The following PAH variants were observed in gnomAD, a reference collection of about 807,000 sequenced individuals.
The protein encoded by PAH is phenylalanine-4-hydroxylase.
PAH carries 64 observed loss-of-function variants against 62.0 expected under a neutral mutation model. The observed-to-expected ratio is 1.03, with a 90% CI of 0.84 to 1.27. The LOEUF (loss-of-function observed/expected upper bound fraction) is 1.27, where lower values mean the gene tolerates loss of function less well. Ranked by LOEUF, PAH falls within the 50% of genes most tolerant of loss-of-function variation. The probability of loss-of-function intolerance (pLI) is 0.00; values close to 1 mark genes in which losing one functional copy is unlikely to be tolerated. For missense variants in PAH, 579 were observed against 542.8 expected (o/e 1.07, Z -0.66); for synonymous variants, 195 against 196.2 (o/e 0.99, Z 0.05).
At position 102,944,369 on chromosome 12, in the gene PAH, C is replaced by G. The variant is rs569567591; in HGVS notation, c.-96+6220G>C. Among the ~76,000 whole-genome samples, 7 of 152,250 alleles carry G rather than the reference C, an allele frequency of 4.6e-5. 1 individual carries two copies. Among genetic ancestry groups the G allele is most frequent in the African/African-American group, 1.7e-4 (7 of 41,552 alleles). ...CTTTCTACCCCCATCTCTCTCTCTA[C>G]CTTCTCTTTAAGGTCAACAACTCTT... On this transcript the variant is annotated intron_variant, in intron 1 of 3. Transcript: ENST00000546844.
At chr12:102,955,234 C>T (rs1282427358), upstream of PAH, among the ~76,000 whole-genome samples, 2 of 152,202 alleles carry the variant, frequency 1.3e-5, no homozygotes, top group African/African-American at 4.8e-5. Flanking sequence ...CTCTACTTCC[C>T]TGGTATTGAG....
In PAH at chr12:102,844,465, A is replaced by G. The variant is rs1168935950; in HGVS notation, c.970-34T>C. The G allele has an allele frequency of 2.2e-6, 3 of 1,369,184 alleles. No homozygotes were observed. The South Asian group carries it at 3.5e-5, about 16-fold the overall frequency. The allele number at this position is 1,369,184 out of a possible 1,614,324, so 84.8% of individuals were successfully genotyped here. A position where few individuals can be genotyped will look rare whatever the true frequency, so the allele number is the denominator to read the frequency against. Reference sequence around the variant, plus strand: ...GAAAGTCAATCTGAGAGCACACTCTATGATGGTTAATTTTATGTGTCACCT... The same window carrying G: ...GAAAGTCAATCTGAGAGCACACTCTGTGATGGTTAATTTTATGTGTCACCT... On this transcript the variant is annotated intron_variant, in intron 9 of 12. Transcript: ENST00000553106.
intron 1 of PAH, among the ~76,000 whole-genome samples, chr12:102,922,749 A>G (rs1878588813): frequency 6.6e-6 from 1 of 152,226 alleles, no homozygotes; most frequent in African/African-American, 2.4e-5. Context: ...AGCTATGTGA[A>G]ATAATACATT....
chr12:102,947,726 CG>C (rs1238244370), intron 1 of PAH, among the ~76,000 whole-genome samples: 1 of 152,048 alleles, frequency 6.6e-6, no homozygotes, highest in African/African-American at 2.4e-5. Flanking sequence ...AAAATAGAGT[CG>C]GGGTGACTGT....
chr12:102,905,065 G>T (rs35823784), intron 2 of PAH, among the ~76,000 whole-genome samples: 1 of 152,026 alleles, frequency 6.6e-6, no homozygotes, highest in Non-Finnish European at 1.5e-5. Context: ...AATAAAACAC[G>T]TGAAAGGGGT....
intron 2 of PAH, among the ~76,000 whole-genome samples, chr12:102,895,635 T>C (rs7980371): frequency 0.053 from 8,029 of 151,874 alleles, 742 homozygotes; most frequent in African/African-American, 0.18. Flanking sequence ...TTGCCTGAGG[T>C]CAGGAGTTGG....
In PAH at chr12:102,889,402, C is replaced by CATAGATAG. The variant is rs10526127; in HGVS notation, c.352+5325_352+5332dup. Among the ~76,000 whole-genome samples the CATAGATAG allele has an allele frequency of 6.5e-3, 966 of 147,994 alleles. 3 individuals are homozygous for CATAGATAG. The highest frequency in any genetic ancestry group is 8.7e-3 in the Non-Finnish European group (586 of 67,078). On this transcript the variant is annotated intron_variant, in intron 3 of 12. Transcript: ENST00000553106. ...AGTAATCATAAGTGTTCCCAGACAA[C>CATAGATAG]ATAGATAGATAGATAGATAGATAGA... is the stretch of plus-strand genomic sequence containing the variant.
Position 102,854,939 on chromosome 12 carries a change from T to C in PAH, c.706+197A>G. 6.2e-6 allele frequency: 4 copies of C among 647,386 alleles called. No individual in the cohort carries two copies. In the South Asian group the frequency reaches 6.8e-5, roughly 11 times the overall value. 40.1% of individuals were successfully genotyped at this position (647,386 alleles called of 1,614,324 possible). ...CCTCAGGTGTTTGATTGAATGAAAG[T>C]GGATAAACACAGTAGGGGCTGGAGG... On this transcript the variant is annotated intron_variant, in intron 6 of 12. Transcript: ENST00000553106.
chr12:102,933,256 G>A (rs950281474), intron 1 of PAH, among the ~76,000 whole-genome samples: 1 of 151,940 alleles, frequency 6.6e-6, no homozygotes, highest in Non-Finnish European at 1.5e-5. Flanking sequence ...GGCTTATTTC[G>A]TTTAACATAA....
intron 3 of PAH, among the ~76,000 whole-genome samples, chr12:102,885,343 C>T (rs1018216744): frequency 1.3e-5 from 2 of 152,204 alleles, no homozygotes; most frequent in African/African-American, 2.4e-5. Flanking sequence ...CCCAGGCCTC[C>T]GTTTTGAAAA....
intron 3 of PAH, among the ~76,000 whole-genome samples, chr12:102,887,422 C>T (rs929134175): frequency 6.6e-6 from 1 of 151,944 alleles, no homozygotes; most frequent in Admixed American, 6.6e-5. Flanking sequence ...AAGTTGTCTC[C>T]GTGGCTGCTA....
chr12:102,925,460 AT>A (rs533742732), intron 1 of PAH, among the ~76,000 whole-genome samples: 1 of 152,114 alleles, frequency 6.6e-6, no homozygotes, highest in African/African-American at 2.4e-5. Flanking sequence ...CTTTAAACTC[AT>A]TTTTTTGACG....
At chr12:102,945,687 C>T (rs905659076) in intron 1 of PAH, among the ~76,000 whole-genome samples, 1 of 152,146 alleles carries the variant, frequency 6.6e-6, no homozygotes, top group African/African-American at 2.4e-5. Flanking sequence ...GGGACTCTCT[C>T]TTCAGAGGAG....
At chr12:102,877,087 C>A in intron 4 of PAH, 1 of 352,372 alleles carries the variant, frequency 2.8e-6, no homozygotes. Flanking sequence ...CCCCGCTGCC[C>A]CCTGCAGTTG....
At chr12:102,904,572 T>C (rs1263782832) in intron 2 of PAH, among the ~76,000 whole-genome samples, 1 of 152,234 alleles carries the variant, frequency 6.6e-6, no homozygotes. Flanking sequence ...TTGGAATTCT[T>C]TTCTGATAAA....
intron 3 of PAH, among the ~76,000 whole-genome samples, chr12:102,893,737 C>T (rs1022139933): frequency 6.6e-6 from 1 of 152,246 alleles, no homozygotes; most frequent in Non-Finnish European, 1.5e-5. Flanking sequence ...CAAGCCCACA[C>T]TTATAATTTC....
chr12:102,872,597 G>A (rs1048373232), intron 4 of PAH, among the ~76,000 whole-genome samples: 1 of 152,114 alleles, frequency 6.6e-6, no homozygotes, highest in African/African-American at 2.4e-5. Flanking sequence ...ATATAGTCTT[G>A]TTATTGGGCA....
At chr12:102,865,298 C>T (rs1407030927) in intron 5 of PAH, among the ~76,000 whole-genome samples, 1 of 152,022 alleles carries the variant, frequency 6.6e-6, no homozygotes, top group Non-Finnish European at 1.5e-5. Context: ...TCTAGGAGTC[C>T]CCAGACACTC....
chr12:102,879,146 T>C (rs1295323894), intron 3 of PAH, among the ~76,000 whole-genome samples: 1 of 152,026 alleles, frequency 6.6e-6, no homozygotes, highest in Non-Finnish European at 1.5e-5. Flanking sequence ...AATAAACAAC[T>C]GGGATACACA....
Sources: allele counts gnomAD v4.1 joint callset (sites outside exome capture counted in the v4.1 genomes callset), GRCh38; gene constraint gnomAD v4.1.1; transcripts MANE v1.5; gene names NCBI Gene and HGNC (gene_info 2026-07-23, HGNC 2026-07-21).